The following GALNT2 variants were observed in gnomAD, a reference collection of about 807,000 sequenced individuals.
The protein encoded by GALNT2 is UDP-GalNAc:polypeptide N-acetylgalactosaminyltransferase 2.
Under a neutral mutation model 81.4 loss-of-function variants are expected in GALNT2, and 31 were observed. The observed-to-expected ratio is 0.38, with a 90% CI of 0.29 to 0.51. The LOEUF is 0.51. GALNT2 is among the 20% of genes least tolerant of loss of function. GALNT2 has a pLI of 0.87. For missense variants in GALNT2, 629 were observed against 765.7 expected (o/e 0.82, Z 2.11); for synonymous variants, 303 against 287.4 (o/e 1.05, Z -0.55).
chr1:230,245,561 T>C (rs1237504026), intron 7 of GALNT2, among the ~76,000 whole-genome samples: 2 of 152,192 alleles, frequency 1.3e-5, no homozygotes, highest in Non-Finnish European at 1.5e-5. Context: ...AACCTTCTGC[T>C]GTGATAATAT....
At chr1:230,225,037 CA>C (rs1383180273) in intron 3 of GALNT2, among the ~76,000 whole-genome samples, 6 of 152,168 alleles carry the variant, frequency 3.9e-5, no homozygotes, top group African/African-American at 1.4e-4. Context: ...AGAGGTCCTG[CA>C]GAGGTTTTTT....
Position 230,249,257 on chromosome 1 carries a change from A to G in GALNT2, c.891A>G (p.Pro297=). 1 of 1,614,070 alleles carries G rather than the reference A, an allele frequency of 6.2e-7. No homozygotes were observed. Among genetic ancestry groups the G allele is most frequent in the Non-Finnish European group, 8.5e-7 (1 of 1,179,982 alleles). ...AGAGAAGGTCCCGGCAGGGGAACCC[A>G]GTCGCCCCTATAAAGTAAGTGCCAG... ...PEQRRSRQGN[P]VAPIKTPMIA... is the part of the protein sequence containing the mutation. The change falls in exon 9 of 16, where the codon CCA becomes CCG. Residue 297 remains proline (P), a synonymous_variant. Coordinates refer to ENST00000366672, the MANE Select transcript of GALNT2 (RefSeq NM_004481.5).
intron 1 of GALNT2, among the ~76,000 whole-genome samples, chr1:230,113,301 G>A (rs1196892850): frequency 1.3e-5 from 2 of 152,076 alleles, no homozygotes; most frequent in Non-Finnish European, 2.9e-5. Flanking sequence ...TTCTTCCAGG[G>A]CTCAGTCTTC....
At chr1:230,258,945 A>G (rs1201930784) in intron 11 of GALNT2, 1 of 152,212 alleles carries the variant, frequency 6.6e-6, no homozygotes, top group African/African-American at 2.4e-5. Context: ...TTCAAATTGT[A>G]TTTCACAGCC....
chr1:230,152,330 A>G (rs565508399), intron 1 of GALNT2, among the ~76,000 whole-genome samples: 14 of 152,264 alleles, frequency 9.2e-5, no homozygotes, highest in African/African-American at 3.4e-4. Flanking sequence ...CGCATCCGAC[A>G]CTTGGCTAGA....
chr1:230,067,041 C>T (rs1358363011), upstream of GALNT2, among the ~76,000 whole-genome samples: 1 of 148,338 alleles, frequency 6.7e-6, no homozygotes, highest in East Asian at 2.0e-4. Flanking sequence ...GCTCCCTGAC[C>T]CCCCTCGCCG....
At position 230,154,305 on chromosome 1, in the gene GALNT2, G is replaced by A. The variant is rs543112234; in HGVS notation, c.127-23913G>A. Among the ~76,000 whole-genome samples the A allele has an allele frequency of 1.7e-4, 26 of 152,282 alleles. No individual in the cohort carries two copies. The South Asian group carries it at 4.8e-3, about 28-fold the overall frequency. Reference sequence around the variant, plus strand: ...ACATTCTTACTAGAAAAGAAACCCCGGCCCTTTAGCTCATCACCCTCTGCT... The same window carrying A: ...ACATTCTTACTAGAAAAGAAACCCCAGCCCTTTAGCTCATCACCCTCTGCT... On this transcript the variant is annotated intron_variant, in intron 1 of 15. Coordinates refer to ENST00000366672, the MANE Select transcript of GALNT2 (RefSeq NM_004481.5).
chr1:230,140,106 C>T (rs566971615), intron 1 of GALNT2, among the ~76,000 whole-genome samples: 11 of 152,368 alleles, frequency 7.2e-5, no homozygotes, highest in African/African-American at 2.6e-4. Context: ...CCCTCCCCCA[C>T]GGGGCTTCTG....
intron 1 of GALNT2, among the ~76,000 whole-genome samples, chr1:230,140,587 C>T (rs1406861712): frequency 6.6e-6 from 1 of 152,246 alleles, no homozygotes; most frequent in African/African-American, 2.4e-5. Context: ...CCCCTTCCTC[C>T]AGCCTGTGCT....
Position 230,139,290 on chromosome 1 carries a change from A to G in GALNT2, c.127-38928A>G, listed in dbSNP as rs527748986. On this transcript the variant is annotated intron_variant, in intron 1 of 15. Transcript: ENST00000366672. ...AGGGTCCTCTTGCTAAATCTGAAGA[A>G]TCCCGATGTTATCGTTGAAGCCAAG... Among the ~76,000 whole-genome samples the G allele has an allele frequency of 1.4e-4, 21 of 152,348 alleles. No homozygotes were observed. In the South Asian group the frequency reaches 4.1e-3, roughly 30 times the overall value.
chr1:230,155,138 G>A (rs1662208684), intron 1 of GALNT2, among the ~76,000 whole-genome samples: 2 of 152,150 alleles, frequency 1.3e-5, no homozygotes, highest in African/African-American at 4.8e-5. Context: ...AGTTTTCTGC[G>A]GAAGTATTTC....
intron 1 of GALNT2, among the ~76,000 whole-genome samples, chr1:230,172,638 G>A (rs12127595): frequency 0.16 from 24,158 of 152,150 alleles, 2,474 homozygotes; most frequent in Non-Finnish European, 0.22. Flanking sequence ...TCCAGCCACT[G>A]TACCTCCTCA....
intron 1 of GALNT2, among the ~76,000 whole-genome samples, chr1:230,167,794 G>A (rs999698728): frequency 1.3e-5 from 2 of 152,166 alleles, no homozygotes; most frequent in Admixed American, 6.5e-5. Context: ...GCCTCCCTGC[G>A]GCTGCTCCAC....
At position 230,122,589 on chromosome 1, in the gene GALNT2, C is replaced by T. The variant is rs185309546; in HGVS notation, c.126+55183C>T. On this transcript the variant is annotated intron_variant, in intron 1 of 15. Transcript: ENST00000366672. The stretch of plus-strand genomic sequence containing the variant: ...AAACCAGAAAACCACAGTGGATCAG[C>T]GTGCAGGAATGCATAAGGGTGGCTC... Among the ~76,000 whole-genome samples, 214 of 151,912 alleles carry T rather than the reference C, an allele frequency of 1.4e-3. 1 individual carries two copies. The highest frequency in any genetic ancestry group is 4.5e-3 in the African/African-American group (188 of 41,464).
chr1:230,178,605 T>G (rs1663060705), intron 2 of GALNT2, among the ~76,000 whole-genome samples: 1 of 152,206 alleles, frequency 6.6e-6, no homozygotes, highest in South Asian at 2.1e-4. Context: ...AGACTTTATT[T>G]TTTAGGGCAG....
At chr1:230,167,585 C>T (rs575745130) in intron 1 of GALNT2, among the ~76,000 whole-genome samples, 67 of 152,330 alleles carry the variant, frequency 4.4e-4, no homozygotes, top group African/African-American at 1.5e-3. Flanking sequence ...GAGCATTGCA[C>T]TTTAGTTCTG....
chr1:230,141,923 A>G (rs907706378), intron 1 of GALNT2, among the ~76,000 whole-genome samples: 5 of 150,936 alleles, frequency 3.3e-5, no homozygotes, highest in Non-Finnish European at 5.9e-5. Context: ...AGTAGCTAGG[A>G]TGACAAGTGC....
At chr1:230,250,739 A>G (rs1374463648) in intron 10 of GALNT2, among the ~76,000 whole-genome samples, 179 bp downstream of exon 10, 1 of 152,218 alleles carries the variant, frequency 6.6e-6, no homozygotes, top group Non-Finnish European at 1.5e-5. Flanking sequence ...GTTGGGCATT[A>G]AAATGTGCCT....
chr1:230,128,390 T>G (rs867575435), intron 1 of GALNT2, among the ~76,000 whole-genome samples: 25 of 151,948 alleles, frequency 1.6e-4, no homozygotes, highest in African/African-American at 6.0e-4. Context: ...CTTGGAGTTT[T>G]GGGGGGCTCT....
Sources: gnomAD v4.1 joint callset for allele counts (sites outside exome capture counted in the v4.1 genomes callset) on GRCh38, gnomAD v4.1.1 for gene constraint, MANE v1.5 for transcripts, NCBI Gene and HGNC (gene_info 2026-07-23, HGNC 2026-07-21) for gene names.